ZSCAN23: variants seen among roughly 807,000 people sequenced by gnomAD.
ZSCAN23 encodes the protein zinc finger and SCAN domain containing 23.
In ZSCAN23, 19 loss-of-function variants were observed where a neutral mutation model predicts 19.3. The ratio of observed to expected loss-of-function variants is 0.99; its 90% confidence interval spans 0.69 to 1.45. ZSCAN23 has a LOEUF of 1.45. ZSCAN23 is among the 40% of genes most tolerant of loss of function. The pLI is 0.00. For synonymous variants in ZSCAN23, 140 were observed against 166.2 expected (o/e 0.84, Z 1.21); for missense variants, 372 against 462.5 (o/e 0.80, Z 1.79).
chr6:28,429,068 C>G (rs1761706808), downstream of ZSCAN23, among the ~76,000 whole-genome samples: 1 of 152,172 alleles, frequency 6.6e-6, no homozygotes, highest in Non-Finnish European at 1.5e-5. Context: ...CATACTATAA[C>G]TATCCCTCAA....
At chr6:28,427,050 C>T (rs1761670688), downstream of ZSCAN23, among the ~76,000 whole-genome samples, 1 of 152,238 alleles carries the variant, frequency 6.6e-6, no homozygotes, top group African/African-American at 2.4e-5. Flanking sequence ...GCCTCGGCCT[C>T]CCAAAGTGCT....
intron 1 of ZSCAN23, among the ~76,000 whole-genome samples, chr6:28,439,654 C>T (rs1761963309): frequency 6.6e-6 from 1 of 152,044 alleles, no homozygotes; most frequent in Non-Finnish European, 1.5e-5. Flanking sequence ...TTTTAACGTG[C>T]CAGGTATTGT....
chr6:28,425,737 C>T, the ZSCAN23 span, among the ~76,000 whole-genome samples: 1 of 152,218 alleles, frequency 6.6e-6, no homozygotes, highest in Non-Finnish European at 1.5e-5. Flanking sequence ...AAGCCAGGCA[C>T]TGACTTCTCT....
At chr6:28,426,819 G>A in the ZSCAN23 span, among the ~76,000 whole-genome samples, 1 of 152,012 alleles carries the variant, frequency 6.6e-6, no homozygotes, top group South Asian at 2.1e-4. Flanking sequence ...AAGTTTGTCT[G>A]TTTGTTTGAG....
At chr6:28,437,153 AAAG>A (rs1191440562) in intron 1 of ZSCAN23, among the ~76,000 whole-genome samples, 2 of 152,242 alleles carry the variant, frequency 1.3e-5, no homozygotes, top group African/African-American at 4.8e-5. Flanking sequence ...AAAGAATCAG[AAAG>A]TAGTTGACTG....
Position 28,436,341 on chromosome 6 carries a change from G to C in ZSCAN23, c.-75C>G. ...TGATCTTTTCTTCTGGAAACCCCGAGATCTAGACAATAATTTACGAAGAAA... is the reference window on the plus strand; with the variant it reads ...TGATCTTTTCTTCTGGAAACCCCGACATCTAGACAATAATTTACGAAGAAA... On this transcript the variant is annotated splice_region_variant and 5_prime_UTR_variant, in exon 2 of 4. In the 5' UTR this introduces an upstream ATG that the reference lacks. Coordinates refer to ENST00000289788, the MANE Select transcript of ZSCAN23 (RefSeq NM_001012455.2). 7.3e-7 allele frequency: 1 copy of C among 1,365,996 alleles called. No individual in the cohort carries two copies. Among genetic ancestry groups the C allele is most frequent in the East Asian group, 2.5e-5 (1 of 39,496 alleles). 84.6% of individuals were successfully genotyped at this position (1,365,996 alleles called of 1,614,324 possible).
downstream of ZSCAN23, among the ~76,000 whole-genome samples, chr6:28,429,825 G>C (rs1467925238): frequency 6.6e-6 from 1 of 152,182 alleles, no homozygotes; most frequent in African/African-American, 2.4e-5. Context: ...CGCTGAGAAA[G>C]TATAAAGCAT....
intron 1 of ZSCAN23, among the ~76,000 whole-genome samples, chr6:28,436,745 A>G (rs764299640): frequency 8.5e-5 from 13 of 152,186 alleles, no homozygotes; most frequent in Non-Finnish European, 1.3e-4. Flanking sequence ...GGATGGAGGG[A>G]AAGTAAAGAA....
At chr6:28,439,005 C>T (rs1012450550) in intron 1 of ZSCAN23, among the ~76,000 whole-genome samples, 1 of 152,162 alleles carries the variant, frequency 6.6e-6, no homozygotes, top group Non-Finnish European at 1.5e-5. Flanking sequence ...GTTCTGACAT[C>T]TTTGGTTTGG....
rs764531252 is a variant in ZSCAN23, at chr6:28,434,561, C to T, written c.1074G>A (p.Glu358=). ...LIKHQRIHTG[E]RPYECEECGK... ...CACATTCTTCACATTCATAAGGTCT[C>T]TCTCCAGTGTGAATTCTCTGATGCT... The change falls in exon 4 of 4, where the codon GAG becomes GAA. Residue 358 remains glutamate (E), a synonymous_variant. Coordinates refer to ENST00000289788, the MANE Select transcript of ZSCAN23 (RefSeq NM_001012455.2). 6 of 1,554,308 alleles carry T rather than the reference C, an allele frequency of 3.9e-6. No homozygotes were observed. The highest frequency in any genetic ancestry group is 5.2e-6 in the Non-Finnish European group (6 of 1,148,568).
downstream of ZSCAN23, among the ~76,000 whole-genome samples, chr6:28,432,420 T>G (rs1372238258): frequency 1.3e-5 from 2 of 152,260 alleles, no homozygotes; most frequent in East Asian, 3.9e-4. Flanking sequence ...ATACCCGCAA[T>G]AAGCCTTAAG....
At position 28,433,690 on chromosome 6, in the gene ZSCAN23, A is replaced by G. The variant is rs1358259250; in HGVS notation, c.*775T>C. On this transcript the variant is annotated 3_prime_UTR_variant, in exon 4 of 4. Transcript: ENST00000289788. ...ATCTTGAATATGTTTCAAATTTTCCATACAAAATATTGAATAAAGGAGAAA... is the reference window on the plus strand; with the variant it reads ...ATCTTGAATATGTTTCAAATTTTCCGTACAAAATATTGAATAAAGGAGAAA... The G allele has an allele frequency of 2.6e-5, 4 of 152,192 alleles. No individual in the cohort carries two copies. The allele number at this position is 152,192 out of a possible 1,614,324, so 9.4% of individuals were successfully genotyped here. A position where few individuals can be genotyped will look rare whatever the true frequency, so the allele number is the denominator to read the frequency against.
At chr6:28,435,215 C>T in intron 3 of ZSCAN23, 137 bp from the exon 4 acceptor site, 1 of 1,149,720 alleles carries the variant, frequency 8.7e-7, no homozygotes, top group Non-Finnish European at 1.2e-6. Flanking sequence ...TATTTTTCCA[C>T]TCTAAAGCTA....
chr6:28,427,432 T>C (rs947968497), downstream of ZSCAN23, among the ~76,000 whole-genome samples: 1 of 152,220 alleles, frequency 6.6e-6, no homozygotes, highest in African/African-American at 2.4e-5. Context: ...TGTGAGAATA[T>C]CATAGACTGT....
At chr6:28,441,291 A>G (rs1761995377) in intron 1 of ZSCAN23, among the ~76,000 whole-genome samples, 1 of 152,168 alleles carries the variant, frequency 6.6e-6, no homozygotes, top group African/African-American at 2.4e-5. Context: ...CAAACTCTCA[A>G]GCACAGTTTA....
rs1761869103 is a variant in ZSCAN23 at position 28,435,720 on chromosome 6, C to T, written c.409-113G>A. ...GACCAAGAAGCTGGCAAAGAAAAAA[C>T]AGAGGCAGAGAGACTAAAAGCCTAC... On this transcript the variant is annotated intron_variant, in intron 2 of 3. Coordinates refer to ENST00000289788, the MANE Select transcript of ZSCAN23 (RefSeq NM_001012455.2). 3 of 1,432,312 alleles carry T rather than the reference C, an allele frequency of 2.1e-6. No individual in the cohort carries two copies. In the East Asian group the frequency reaches 7.5e-5, roughly 36 times the overall value. 88.7% of individuals were successfully genotyped at this position (1,432,312 alleles called of 1,614,324 possible). A position where few individuals can be genotyped will look rare whatever the true frequency, so the allele number is the denominator to read the frequency against.
chr6:28,441,676 C>A (rs1328145418), intron 1 of ZSCAN23, among the ~76,000 whole-genome samples: 5 of 151,988 alleles, frequency 3.3e-5, no homozygotes, highest in Admixed American at 1.3e-4. Flanking sequence ...ATATAGAATT[C>A]TTTCACCAAG....
chr6:28,440,308 T>G (rs1011491570), intron 1 of ZSCAN23, among the ~76,000 whole-genome samples: 5 of 152,196 alleles, frequency 3.3e-5, no homozygotes, highest in African/African-American at 1.2e-4. Context: ...TTGTATTCTA[T>G]GAGATATGGA....
chr6:28,443,158 C>T (rs1171721065), intron 1 of ZSCAN23, among the ~76,000 whole-genome samples: 1 of 152,146 alleles, frequency 6.6e-6, no homozygotes, highest in East Asian at 1.9e-4. Flanking sequence ...CAGTACAGGG[C>T]AGAGAGGTTG....
Sources: allele counts gnomAD v4.1 joint callset (sites outside exome capture counted in the v4.1 genomes callset), GRCh38; gene constraint gnomAD v4.1.1; transcripts MANE v1.5; gene names NCBI Gene and HGNC (gene_info 2026-07-23, HGNC 2026-07-21).